The following NCKAP5 variants were observed in gnomAD, a reference collection of about 807,000 sequenced individuals.
The protein encoded by NCKAP5 is nck-associated protein 5.
Under a neutral mutation model 167.0 loss-of-function variants are expected in NCKAP5, and 92 were observed. The ratio of observed to expected loss-of-function variants is 0.55; its 90% CI spans 0.47 to 0.66. NCKAP5 has a LOEUF of 0.66. Among genes scored for constraint, NCKAP5 ranks in the 30% least tolerant of loss-of-function variants. NCKAP5 has a pLI of 0.00. For synonymous variants in NCKAP5, 891 were observed against 877.4 expected (o/e 1.02, Z -0.27); for missense variants, 2,378 against 2,315.0 (o/e 1.03, Z -0.56).
At chr2:133,505,400 TA>T (rs761682264) in intron 3 of NCKAP5, among the ~76,000 whole-genome samples, 12 of 151,994 alleles carry the variant, frequency 7.9e-5, no homozygotes, top group Non-Finnish European at 1.2e-4. Flanking sequence ...AACCAAACAT[TA>T]ATAAAAATCT....
intron 3 of NCKAP5, among the ~76,000 whole-genome samples, chr2:133,358,552 G>A (rs1173685691): frequency 6.6e-6 from 1 of 152,110 alleles, no homozygotes; most frequent in Non-Finnish European, 1.5e-5. Flanking sequence ...GCCCCAGCCT[G>A]GACAACAGAG....
chr2:133,658,962 T>C, the NCKAP5 span, among the ~76,000 whole-genome samples: 1 of 152,034 alleles, frequency 6.6e-6, no homozygotes, highest in South Asian at 2.1e-4. Context: ...TACTATTTGC[T>C]TGACACTGAC....
At chr2:133,215,774 T>C (rs2086401478) in intron 4 of NCKAP5, among the ~76,000 whole-genome samples, 2 of 152,090 alleles carry the variant, frequency 1.3e-5, no homozygotes, top group Admixed American at 6.6e-5. Flanking sequence ...AAAACTCCTA[T>C]ACCATTTGAT....
At chr2:133,563,443 C>A (rs1688311621) in intron 1 of NCKAP5, among the ~76,000 whole-genome samples, 1 of 151,866 alleles carries the variant, frequency 6.6e-6, no homozygotes, top group Non-Finnish European at 1.5e-5. Context: ...GTGGCACATG[C>A]CTGTAATCCC....
intron 19 of NCKAP5, among the ~76,000 whole-genome samples, chr2:132,699,585 T>G (rs2105226511): frequency 6.6e-6 from 1 of 152,224 alleles, no homozygotes; most frequent in Middle Eastern, 3.4e-3. Flanking sequence ...CAGTGTTTGG[T>G]TTTCTGTCCT....
chr2:133,225,326 A>G, intron 4 of NCKAP5, among the ~76,000 whole-genome samples: 1 of 152,298 alleles, frequency 6.6e-6, no homozygotes, highest in South Asian at 2.1e-4. Context: ...TAGCCCTTAC[A>G]TGACAACTAA....
chr2:133,300,040 C>T (rs1423553730), intron 4 of NCKAP5, among the ~76,000 whole-genome samples: 1 of 140,570 alleles, frequency 7.1e-6, no homozygotes, highest in Non-Finnish European at 1.5e-5. Flanking sequence ...GAAATGGATA[C>T]ATTCCTCGAC....
At chr2:132,963,057 T>C (rs943168396) in intron 8 of NCKAP5, among the ~76,000 whole-genome samples, 7 of 151,970 alleles carry the variant, frequency 4.6e-5, no homozygotes, top group Admixed American at 4.6e-4. Context: ...GCATGTGACA[T>C]TTCAATCAAG....
chr2:133,547,120 C>CA (rs1300194196), intron 2 of NCKAP5, among the ~76,000 whole-genome samples: 5 of 152,188 alleles, frequency 3.3e-5, no homozygotes, highest in South Asian at 4.1e-4. Context: ...GGGTGACGGA[C>CA]GCACCTGGAA....
At chr2:133,417,433 T>G (rs1689188464) in intron 3 of NCKAP5, among the ~76,000 whole-genome samples, 1 of 152,212 alleles carries the variant, frequency 6.6e-6, no homozygotes, top group Non-Finnish European at 1.5e-5. Flanking sequence ...CCAGGCCCAC[T>G]TTCCCAGGTT....
chr2:133,571,405 C>T (rs1688863045), upstream of NCKAP5, among the ~76,000 whole-genome samples: 1 of 152,006 alleles, frequency 6.6e-6, no homozygotes, highest in African/African-American at 2.4e-5. Context: ...CCTCTACCTA[C>T]TAGGTGATTA....
intron 7 of NCKAP5, among the ~76,000 whole-genome samples, chr2:132,981,509 C>T (rs2077141344): frequency 6.6e-6 from 1 of 152,186 alleles, no homozygotes; most frequent in Admixed American, 6.5e-5. Context: ...TTTGCATTTA[C>T]TTGCTTTTTT....
the NCKAP5 span, among the ~76,000 whole-genome samples, chr2:133,648,604 A>G: frequency 6.6e-6 from 1 of 152,124 alleles, no homozygotes; most frequent in Admixed American, 6.6e-5. Flanking sequence ...AGAAGAAAAA[A>G]TTAAAAATTC....
chr2:133,144,337 C>T (rs945950564), intron 5 of NCKAP5, among the ~76,000 whole-genome samples: 1 of 151,946 alleles, frequency 6.6e-6, no homozygotes, highest in Admixed American at 6.6e-5. Context: ...AAAACTATTA[C>T]AAAAATAGGT....
chr2:133,108,609 C>T (rs1188035521), intron 6 of NCKAP5, among the ~76,000 whole-genome samples: 1 of 152,188 alleles, frequency 6.6e-6, no homozygotes, highest in African/African-American at 2.4e-5. Flanking sequence ...ACCTTAACTA[C>T]AGTCACCATG....
intron 3 of NCKAP5, among the ~76,000 whole-genome samples, chr2:133,334,858 T>C (rs1020249191): frequency 6.6e-6 from 1 of 152,166 alleles, no homozygotes; most frequent in African/African-American, 2.4e-5. Flanking sequence ...TGATGTTAGA[T>C]TTTTTTATCT....
intron 3 of NCKAP5, among the ~76,000 whole-genome samples, chr2:133,491,395 G>A (rs1201690418): frequency 6.6e-6 from 1 of 152,182 alleles, no homozygotes; most frequent in Non-Finnish European, 1.5e-5. Flanking sequence ...TGGTGGAGCA[G>A]AGAGGTTAAG....
chr2:132,839,402 A>G (rs1558842340), intron 11 of NCKAP5, among the ~76,000 whole-genome samples: 2 of 152,176 alleles, frequency 1.3e-5, no homozygotes, highest in African/African-American at 2.4e-5. Flanking sequence ...GTAGATAGCT[A>G]GTAGTATAAG....
chr2:132,767,615 G>T (rs1681626008), intron 16 of NCKAP5, among the ~76,000 whole-genome samples: 1 of 152,188 alleles, frequency 6.6e-6, no homozygotes, highest in African/African-American at 2.4e-5. Context: ...GCCGAAAAAG[G>T]TACCTGTATA....
Sources: allele counts gnomAD v4.1 joint callset (sites outside exome capture counted in the v4.1 genomes callset), GRCh38; gene constraint gnomAD v4.1.1; transcripts MANE v1.5; gene names NCBI Gene and HGNC (gene_info 2026-07-23, HGNC 2026-07-21).